The following GATAD2B variants were observed in gnomAD, a reference collection of about 807,000 sequenced individuals.
GATAD2B encodes the protein GATA zinc finger domain containing 2B, also known as transcriptional repressor p66-beta.
Under a neutral mutation model 64.3 loss-of-function variants are expected in GATAD2B, and 8 were observed. The observed-to-expected ratio is 0.12, with a 90% CI of 0.07 to 0.22. The LOEUF (loss-of-function observed/expected upper bound fraction) is 0.22, where lower values mean the gene tolerates loss of function less well. Ranked by LOEUF, GATAD2B falls within the 10% of genes least tolerant of loss-of-function variation. GATAD2B has a pLI of 1.00. For synonymous variants in GATAD2B, 281 were observed against 271.3 expected (o/e 1.04, Z -0.35); for missense variants, 453 against 752.0 (o/e 0.60, Z 4.65).
chr1:153,826,346 T>C (rs1460000487), intron 2 of GATAD2B, among the ~76,000 whole-genome samples: 2 of 152,022 alleles, frequency 1.3e-5, no homozygotes, highest in Non-Finnish European at 2.9e-5. Context: ...AAGCTAGGGT[T>C]GGCTGGGTGT....
Position 153,805,197 on chromosome 1 carries a change from G to C in GATAD2B, c.*4980C>G, listed in dbSNP as rs931159802. 1.3e-5 allele frequency: 2 copies of C among 152,100 alleles called. No homozygotes were observed. The highest frequency in any genetic ancestry group is 4.8e-5 in the African/African-American group (2 of 41,408). The allele number at this position is 152,100 out of a possible 1,614,324, so 9.4% of individuals were successfully genotyped here. A position where few individuals can be genotyped will look rare whatever the true frequency, so the allele number is the denominator to read the frequency against. ...TAGGAGTACTCAGCCCAGGCTGTGG[G>C]GAAATTGGGCCCCTGAAGGAGACAG... On this transcript the variant is annotated 3_prime_UTR_variant, in exon 11 of 11. Coordinates refer to ENST00000368655, the MANE Select transcript of GATAD2B (RefSeq NM_020699.4).
At chr1:153,890,916 G>C (rs1439250855) in intron 1 of GATAD2B, 1 of 152,214 alleles carries the variant, frequency 6.6e-6, no homozygotes, top group Non-Finnish European at 1.5e-5. Context: ...AGGTGCGGTG[G>C]CTCACACCTA....
At chr1:153,849,463 A>C (rs1215764907) in intron 1 of GATAD2B, among the ~76,000 whole-genome samples, 2 of 152,170 alleles carry the variant, frequency 1.3e-5, no homozygotes, top group Non-Finnish European at 2.9e-5. Flanking sequence ...GGCATTTTAT[A>C]ATCTTATGTC....
At chr1:153,824,833 C>G (rs962873419) in intron 2 of GATAD2B, among the ~76,000 whole-genome samples, 2 of 151,988 alleles carry the variant, frequency 1.3e-5, no homozygotes, top group Admixed American at 6.6e-5. Flanking sequence ...CCTGTATTCC[C>G]AGCACTTTAG....
At chr1:153,810,369 C>T in intron 10 of GATAD2B, 59 bp from the exon 11 acceptor site, 1 of 1,543,888 alleles carries the variant, frequency 6.5e-7, no homozygotes, top group South Asian at 1.1e-5. Flanking sequence ...ACATTCCCTT[C>T]CACTCTACCC....
chr1:153,855,830 G>A (rs1350761643), intron 1 of GATAD2B, among the ~76,000 whole-genome samples: 1 of 151,970 alleles, frequency 6.6e-6, no homozygotes, highest in South Asian at 2.1e-4. Context: ...CTACAGGTGC[G>A]CATCACCACG....
chr1:153,844,421 T>TTAA (rs1557798966), intron 1 of GATAD2B, among the ~76,000 whole-genome samples: 2 of 80,276 alleles, frequency 2.5e-5, no homozygotes, highest in Admixed American at 2.3e-4. Context: ...TAACAAATTA[T>TTAA]AAAAAAAAAA....
chr1:153,849,648 T>A (rs1675818142), intron 1 of GATAD2B, among the ~76,000 whole-genome samples: 1 of 152,194 alleles, frequency 6.6e-6, no homozygotes, highest in South Asian at 2.1e-4. Context: ...TTTTTCTTTT[T>A]TTGAGACAGT....
rs1304564699 is a variant in GATAD2B at position 153,818,941 on chromosome 1, T to C, written c.466-19A>G. 1.2e-6 allele frequency: 2 copies of C among 1,605,686 alleles called. No homozygotes were observed. The highest frequency in any genetic ancestry group is 2.2e-5 in the East Asian group (1 of 44,852). ...CTTTCCCCTAAGGAAACAAGAAGAC[T>C]TTCAGCTATGGCAGCAAGGTACCCA... On this transcript the variant is annotated intron_variant, in intron 3 of 10. Coordinates refer to ENST00000368655, the MANE Select transcript of GATAD2B (RefSeq NM_020699.4).
At chr1:153,827,271 A>C (rs1674917759) in intron 2 of GATAD2B, among the ~76,000 whole-genome samples, 1 of 151,186 alleles carries the variant, frequency 6.6e-6, no homozygotes, top group Admixed American at 6.6e-5. Context: ...AGCACCAAAA[A>C]AACTCATAAA....
At chr1:153,914,227 C>CAAAAAAA (rs759245034) in intron 1 of GATAD2B, among the ~76,000 whole-genome samples, 11 of 65,960 alleles carry the variant, frequency 1.7e-4, no homozygotes, top group African/African-American at 4.8e-4. Context: ...CCCAGACTCT[C>CAAAAAAA]AAAAAAAAAA....
At chr1:153,823,139 A>G (rs1674740812) in intron 2 of GATAD2B, among the ~76,000 whole-genome samples, 2 of 152,234 alleles carry the variant, frequency 1.3e-5, no homozygotes, top group Admixed American at 1.3e-4. Flanking sequence ...CATTTGTTAA[A>G]CATTCCAAGA....
At chr1:153,856,782 A>G (rs1188164668) in intron 1 of GATAD2B, among the ~76,000 whole-genome samples, 1 of 152,106 alleles carries the variant, frequency 6.6e-6, no homozygotes, top group Non-Finnish European at 1.5e-5. Context: ...AAGAAAGAAA[A>G]AAGAATGCCT....
chr1:153,875,513 C>T (rs147999553), intron 1 of GATAD2B, among the ~76,000 whole-genome samples: 2 of 152,024 alleles, frequency 1.3e-5, no homozygotes, highest in East Asian at 1.9e-4. Flanking sequence ...CTGTAAAGGA[C>T]CAGATAATAA....
chr1:153,865,893 T>C (rs185382402), intron 1 of GATAD2B, among the ~76,000 whole-genome samples: 2 of 151,956 alleles, frequency 1.3e-5, no homozygotes, highest in African/African-American at 4.8e-5. Context: ...GAAGCTGAGG[T>C]GGGTAGATCG....
At chr1:153,901,287 G>A (rs1677763468) in intron 1 of GATAD2B, among the ~76,000 whole-genome samples, 1 of 152,042 alleles carries the variant, frequency 6.6e-6, no homozygotes, top group Admixed American at 6.6e-5. Context: ...AGGTGGAGAG[G>A]TTGCAGTGAG....
chr1:153,835,736 T>A (rs528766893), intron 1 of GATAD2B, among the ~76,000 whole-genome samples: 87 of 152,286 alleles, frequency 5.7e-4, no homozygotes, highest in East Asian at 3.9e-4. Flanking sequence ...TATTATTATT[T>A]TTTTGAGACA....
intron 1 of GATAD2B, among the ~76,000 whole-genome samples, chr1:153,857,402 C>T (rs565361731): frequency 1.3e-5 from 2 of 152,022 alleles, no homozygotes; most frequent in Non-Finnish European, 2.9e-5. Flanking sequence ...GCCAAGATCG[C>T]GCCACTGCAC....
intron 8 of GATAD2B, among the ~76,000 whole-genome samples, chr1:153,812,877 CTT>C (rs1553187523): frequency 6.6e-6 from 1 of 152,202 alleles, no homozygotes; most frequent in Non-Finnish European, 1.5e-5. Flanking sequence ...ATAATTCACT[CTT>C]TCTTTCGTCA....
Sources: gnomAD v4.1 joint callset for allele counts (sites outside exome capture counted in the v4.1 genomes callset) on GRCh38, gnomAD v4.1.1 for gene constraint, MANE v1.5 for transcripts, NCBI Gene and HGNC (gene_info 2026-07-23, HGNC 2026-07-21) for gene names.